Variants in OR1J2 observed in about 807,000 individuals in gnomAD.
OR1J2 encodes the protein olfactory receptor 1J2.
For missense variants in OR1J2, 304 were observed against 246.1 expected, an observed-to-expected ratio of 1.24 and a Z score of -1.57; for synonymous variants, 142 against 99.7, an observed-to-expected ratio of 1.42 and a Z score of -2.52.
chr9:122,484,299 C>A, the OR1J2 span, among the ~76,000 whole-genome samples: 1 of 151,886 alleles, frequency 6.6e-6, no homozygotes, highest in Non-Finnish European at 1.5e-5. Flanking sequence ...GTAGCTGGGA[C>A]AATAGGCACG....
At chr9:122,575,312 T>C in the OR1J2 span, among the ~76,000 whole-genome samples, 6 of 152,138 alleles carry the variant, frequency 3.9e-5, no homozygotes, top group Non-Finnish European at 8.8e-5. Flanking sequence ...TGAACCCATC[T>C]GGGCCTAGTG....
chr9:122,500,675 A>G, the OR1J2 span, among the ~76,000 whole-genome samples: 1 of 152,222 alleles, frequency 6.6e-6, no homozygotes, highest in Admixed American at 6.5e-5. Flanking sequence ...TGGTTCACTT[A>G]AGCAAATGTT....
the OR1J2 span, among the ~76,000 whole-genome samples, chr9:122,504,671 C>T: frequency 1.6e-4 from 24 of 152,042 alleles, no homozygotes; most frequent in African/African-American, 5.6e-4. Context: ...GTCTGTAATG[C>T]GTCAGACTTT....
chr9:122,525,178 C>A, the OR1J2 span, among the ~76,000 whole-genome samples: 2 of 152,158 alleles, frequency 1.3e-5, no homozygotes, highest in African/African-American at 4.8e-5. Context: ...GAGAGAAGAA[C>A]AGACTTCCAG....
At chr9:122,553,879 G>A in the OR1J2 span, 11 of 1,613,814 alleles carry the variant, frequency 6.8e-6, no homozygotes, top group East Asian at 1.1e-4. Context: ...TCCTATGTCC[G>A]CATTTTCTGG....
chr9:122,470,941 C>G, the OR1J2 span, among the ~76,000 whole-genome samples: 1 of 152,202 alleles, frequency 6.6e-6, no homozygotes, highest in Non-Finnish European at 1.5e-5. Flanking sequence ...ACCTGTACCC[C>G]CATTGTATCT....
the OR1J2 span, chr9:122,554,180 G>A: frequency 3.2e-6 from 5 of 1,580,996 alleles, no homozygotes; most frequent in Non-Finnish European, 4.3e-6. Context: ...TCTAGACGGT[G>A]ATGTCTAATC....
At chr9:122,490,713 T>G in the OR1J2 span, among the ~76,000 whole-genome samples, 1 of 152,132 alleles carries the variant, frequency 6.6e-6, no homozygotes, top group African/African-American at 2.4e-5. Flanking sequence ...AAATGTACAC[T>G]TGAACAGGGG....
the OR1J2 span, among the ~76,000 whole-genome samples, chr9:122,556,685 GA>G: frequency 1.3e-5 from 2 of 150,576 alleles, no homozygotes; most frequent in Admixed American, 1.3e-4. Flanking sequence ...AAATTTAAAA[GA>G]AAAAAAAAGT....
At chr9:122,526,947 A>G in the OR1J2 span, 2 of 1,614,218 alleles carry the variant, frequency 1.2e-6, no homozygotes, top group Non-Finnish European at 8.5e-7. Context: ...GTCATACGCC[A>G]TGGCAGCCAG....
chr9:122,454,140 T>C, the OR1J2 span, among the ~76,000 whole-genome samples: 23 of 152,304 alleles, frequency 1.5e-4, no homozygotes, highest in Non-Finnish European at 3.1e-4. Flanking sequence ...AATCTTGGGG[T>C]ATTTCCTTGT....
the OR1J2 span, among the ~76,000 whole-genome samples, chr9:122,542,683 A>G: frequency 1.3e-5 from 2 of 152,084 alleles, no homozygotes; most frequent in African/African-American, 4.8e-5. Flanking sequence ...TTATTGGGGT[A>G]TTATTTACAT....
At chr9:122,527,024 G>C in the OR1J2 span, 1 of 1,614,204 alleles carries the variant, frequency 6.2e-7, no homozygotes, top group Non-Finnish European at 8.5e-7. Context: ...CCGTATAGGA[G>C]ATGGTGTGAT....
the OR1J2 span, chr9:122,576,659 C>T: frequency 7.2e-5 from 11 of 152,160 alleles, no homozygotes; most frequent in African/African-American, 2.2e-4. Context: ...AAACTCACAA[C>T]AGTGTGTGGG....
chr9:122,580,120 G>C, the OR1J2 span, among the ~76,000 whole-genome samples: 7 of 152,074 alleles, frequency 4.6e-5, no homozygotes, highest in Non-Finnish European at 7.4e-5. Flanking sequence ...TAAAGCAAAT[G>C]CCTGTCAGCA....
At chr9:122,570,314 TATTTCTCC>T in the OR1J2 span, among the ~76,000 whole-genome samples, 2 of 152,198 alleles carry the variant, frequency 1.3e-5, no homozygotes, top group Non-Finnish European at 2.9e-5. Context: ...AAATTGTTCC[TATTTCTCC>T]ACATCCTCTC....
chr9:122,464,829 A>G, the OR1J2 span, among the ~76,000 whole-genome samples: 4 of 152,142 alleles, frequency 2.6e-5, no homozygotes, highest in African/African-American at 4.8e-5. Context: ...TTGGGTTAAG[A>G]TGCCTTGCAT....
chr9:122,467,438 G>C, the OR1J2 span, among the ~76,000 whole-genome samples: 8 of 152,148 alleles, frequency 5.3e-5, no homozygotes, highest in East Asian at 1.2e-3. Context: ...AAACTAAACT[G>C]TCCTCACTCA....
the OR1J2 span, among the ~76,000 whole-genome samples, chr9:122,502,490 C>T: frequency 1.3e-5 from 2 of 152,178 alleles, no homozygotes; most frequent in Admixed American, 6.5e-5. Flanking sequence ...CGCAGACCTT[C>T]ATCTCTGAGG....
Sources: gnomAD v4.1 joint callset for allele counts (sites outside exome capture counted in the v4.1 genomes callset) on GRCh38, gnomAD v4.1.1 for gene constraint, MANE v1.5 for transcripts, NCBI Gene and HGNC (gene_info 2026-07-23, HGNC 2026-07-21) for gene names.